RAB7A: variants seen among roughly 807,000 people sequenced by gnomAD.
RAB7A encodes ras-related protein Rab-7a.
Under a neutral mutation model 24.5 loss-of-function variants are expected in RAB7A, and 2 were observed. The observed-to-expected ratio is 0.08, with a 90% confidence interval of 0.03 to 0.26. RAB7A has a LOEUF of 0.26. Ranked by LOEUF, RAB7A falls within the 10% of genes least tolerant of loss-of-function variation. The pLI is 1.00. For missense variants in RAB7A, 118 were observed against 255.7 expected, an observed-to-expected ratio of 0.46 and a Z score of 3.67; for synonymous variants, 100 against 95.9, an observed-to-expected ratio of 1.04 and a Z score of -0.25.
chr3:128,776,828 G>T (rs4405938), intron 1 of RAB7A, among the ~76,000 whole-genome samples: 41,953 of 151,826 alleles, frequency 0.28, 7,436 homozygotes, highest in African/African-American at 0.5. Context: ...GTGCAAGGGT[G>T]CCATTGCTCC....
At chr3:128,811,749 T>C (rs1933932001) in intron 5 of RAB7A, among the ~76,000 whole-genome samples, 1 of 151,638 alleles carries the variant, frequency 6.6e-6, no homozygotes, top group South Asian at 2.1e-4. Flanking sequence ...CTTGGGAGGC[T>C]GAGACTGGAG....
intron 1 of RAB7A, among the ~76,000 whole-genome samples, chr3:128,783,230 C>G (rs1052775890): frequency 3.8e-5 from 5 of 132,590 alleles, no homozygotes; most frequent in Admixed American, 8.1e-5. Flanking sequence ...CACAAACACA[C>G]ACCTCCCACC....
Position 128,813,777 on chromosome 3 carries a change from GGA to G in RAB7A, c.*366_*367del, listed in dbSNP as rs201899446. The G allele has an allele frequency of 1.6e-4, 57 of 355,354 alleles. No homozygotes were observed. Among genetic ancestry groups the G allele is most frequent in the East Asian group, 3.4e-4 (5 of 14,514 alleles). 22.0% of individuals were successfully genotyped at this position (355,354 alleles called of 1,614,324 possible). The stretch of plus-strand genomic sequence containing the variant: ...TGGAAGCTTATTCTTTTTGTTCACT[GGA>G]GAGAGAGAGAACTGTTTACAGTTAA... On this transcript the variant is annotated 3_prime_UTR_variant, in exon 6 of 6. Transcript: ENST00000265062.
chr3:128,774,200 T>A (rs73862541), intron 1 of RAB7A, among the ~76,000 whole-genome samples: 77 of 127,620 alleles, frequency 6.0e-4, no homozygotes, highest in Non-Finnish European at 9.3e-4. Context: ...AAAAAAAAAA[T>A]TAAAAAAAAA....
intron 1 of RAB7A, among the ~76,000 whole-genome samples, chr3:128,737,807 T>TCTGG (rs1339125842): frequency 7.0e-6 from 1 of 143,852 alleles, no homozygotes. Flanking sequence ...TGCCACCACA[T>TCTGG]CTGGCTATTT....
At position 128,804,329 on chromosome 3, in the gene RAB7A, C is replaced by T. The variant is rs545822107; in HGVS notation, c.181-2043C>T. On this transcript the variant is annotated intron_variant, in intron 3 of 5. Coordinates refer to ENST00000265062, the MANE Select transcript of RAB7A (RefSeq NM_004637.6). ...CATCACCCCTCCCCACAGGAAAGCC[C>T]TTTAAAGTTAACTCCCACACTGCTT... 3.0e-4 allele frequency among the ~76,000 whole-genome samples: 46 copies of T among 152,308 alleles called. 2 individuals are homozygous for T. The South Asian group carries it at 9.1e-3, about 30-fold the overall frequency.
At chr3:128,795,337 G>T in intron 1 of RAB7A, 23 bp from the exon 2 acceptor site, 1 of 1,597,148 alleles carries the variant, frequency 6.3e-7, no homozygotes, top group Non-Finnish European at 8.6e-7. Context: ...CACTCACAGT[G>T]ATTTCTCCTT....
intron 1 of RAB7A, among the ~76,000 whole-genome samples, chr3:128,791,138 T>C (rs1343501389): frequency 1.3e-5 from 2 of 152,082 alleles, no homozygotes; most frequent in Non-Finnish European, 2.9e-5. Context: ...AACTTCTTCA[T>C]GTTTTGTTTG....
intron 1 of RAB7A, among the ~76,000 whole-genome samples, chr3:128,729,967 T>C (rs1365654223): frequency 6.6e-6 from 1 of 152,192 alleles, no homozygotes; most frequent in Admixed American, 6.5e-5. Flanking sequence ...CCTTATTTTT[T>C]GGCTATTGGC....
chr3:128,758,438 A>G (rs906730986), intron 1 of RAB7A, among the ~76,000 whole-genome samples: 2 of 148,696 alleles, frequency 1.3e-5, no homozygotes, highest in East Asian at 2.0e-4. Flanking sequence ...ACGCCCAGCT[A>G]ATTTTTTTTT....
At chr3:128,763,208 A>ATATATATTT (rs373993932) in intron 1 of RAB7A, among the ~76,000 whole-genome samples, 19 of 76,062 alleles carry the variant, frequency 2.5e-4, no homozygotes, top group South Asian at 4.1e-4. Context: ...ATATATATAT[A>ATATATATTT]TTTTTTTTTT....
In RAB7A at chr3:128,814,340, T is replaced by G. The variant is rs2107618836; in HGVS notation, c.*918T>G. On this transcript the variant is annotated 3_prime_UTR_variant, in exon 6 of 6. Coordinates refer to ENST00000265062, the MANE Select transcript of RAB7A (RefSeq NM_004637.6). ...TGTCTAAATTTTCCAAAACGTTGAT[T>G]TGCATAATACAGTGGTATGTGCAAT... 6.5e-6 allele frequency: 1 copy of G among 152,832 alleles called. No individual in the cohort carries two copies. Among genetic ancestry groups the G allele is most frequent in the Admixed American group, 6.5e-5 (1 of 15,304 alleles). The allele number at this position is 152,832 out of a possible 1,614,324, so 9.5% of individuals were successfully genotyped here.
intron 1 of RAB7A, among the ~76,000 whole-genome samples, chr3:128,747,307 C>T (rs188958858): frequency 2.7e-5 from 4 of 149,178 alleles, no homozygotes; most frequent in Admixed American, 6.7e-5. Context: ...AAATAATCGG[C>T]CGGGCGCAGT....
chr3:128,759,226 G>T (rs750564906), intron 1 of RAB7A, among the ~76,000 whole-genome samples: 1 of 152,210 alleles, frequency 6.6e-6, no homozygotes, highest in Non-Finnish European at 1.5e-5. Context: ...AACCTAAGAG[G>T]AATAAGATTA....
chr3:128,764,769 A>T, intron 1 of RAB7A: 1 of 823,090 alleles, frequency 1.2e-6, no homozygotes, highest in Non-Finnish European at 2.1e-6. Flanking sequence ...TGATATCCTG[A>T]AGGAAGATTT....
chr3:128,798,648 T>TC (rs1190621401), intron 3 of RAB7A, among the ~76,000 whole-genome samples: 1 of 151,936 alleles, frequency 6.6e-6, no homozygotes, highest in East Asian at 1.9e-4. Flanking sequence ...AAACTATTAT[T>TC]CCCTTTTTTT....
At chr3:128,742,120 G>A (rs761849524) in intron 1 of RAB7A, among the ~76,000 whole-genome samples, 2 of 152,110 alleles carry the variant, frequency 1.3e-5, no homozygotes, top group African/African-American at 2.4e-5. Flanking sequence ...TCGTGGTCTC[G>A]CTGGCTTCAG....
At chr3:128,742,869 C>A (rs369479488) in intron 1 of RAB7A, among the ~76,000 whole-genome samples, 1 of 152,262 alleles carries the variant, frequency 6.6e-6, no homozygotes, top group Non-Finnish European at 1.5e-5. Context: ...CTTCGCCTAG[C>A]GGATCCCGTG....
In RAB7A at chr3:128,757,950, C is replaced by T. The variant is rs150784018; in HGVS notation, c.-9+31591C>T. On this transcript the variant is annotated intron_variant, in intron 1 of 5. Coordinates refer to ENST00000265062, the MANE Select transcript of RAB7A (RefSeq NM_004637.6). ...CTGGAGTTACACTTGTGAGCCACTG[C>T]GCCCAGCCTATTTTATTTTTTTTAT... 2.8e-3 allele frequency among the ~76,000 whole-genome samples: 426 copies of T among 151,892 alleles called. 4 individuals carry two copies. Among genetic ancestry groups the T allele is most frequent in the African/African-American group, 9.1e-3 (376 of 41,400 alleles).
Sources: allele counts gnomAD v4.1 joint callset (sites outside exome capture counted in the v4.1 genomes callset), GRCh38; gene constraint gnomAD v4.1.1; transcripts MANE v1.5; gene names NCBI Gene and HGNC (gene_info 2026-07-23, HGNC 2026-07-21).